ATP9B: variants seen among roughly 807,000 people sequenced by gnomAD.
ATP9B encodes the protein probable phospholipid-transporting ATPase IIB.
A neutral mutation model predicts 146.1 loss-of-function variants in ATP9B; 110 were observed. That is an observed-to-expected ratio of 0.75 (90% CI 0.65 to 0.88). The LOEUF (loss-of-function observed/expected upper bound fraction) is 0.88, where lower values mean the gene tolerates loss of function less well. Among genes scored for constraint, ATP9B ranks in the 40% least tolerant of loss-of-function variants. ATP9B has a pLI of 0.00. For missense variants in ATP9B, 1,499 were observed against 1,496.4 expected (o/e 1.00, Z -0.03); for synonymous variants, 604 against 569.7 (o/e 1.06, Z -0.86).
At chr18:79,294,299 G>T (rs2096531734) in intron 13 of ATP9B, among the ~76,000 whole-genome samples, 1 of 152,206 alleles carries the variant, frequency 6.6e-6, no homozygotes, top group African/African-American at 2.4e-5. Context: ...AACCCATGAT[G>T]AATTCGTGGG....
chr18:79,139,230 G>T (rs1437294961), intron 5 of ATP9B, among the ~76,000 whole-genome samples: 3 of 152,074 alleles, frequency 2.0e-5, no homozygotes, highest in Non-Finnish European at 2.9e-5. Flanking sequence ...ATTTTACTTA[G>T]GTTGTAAGTT....
intron 13 of ATP9B, among the ~76,000 whole-genome samples, chr18:79,284,760 A>G (rs372408579): frequency 6.7e-6 from 1 of 150,152 alleles, no homozygotes; most frequent in Non-Finnish European, 1.5e-5. Context: ...TCCTAATGCT[A>G]TCCCTCCCCC....
intron 11 of ATP9B, among the ~76,000 whole-genome samples, chr18:79,230,891 G>A (rs918935343): frequency 8.5e-5 from 13 of 152,070 alleles, no homozygotes; most frequent in African/African-American, 1.2e-4. Flanking sequence ...ATACAACAAC[G>A]CAAACAAAAA....
intron 1 of ATP9B, among the ~76,000 whole-genome samples, chr18:79,084,159 G>GTT (rs11409523): frequency 1.8e-4 from 26 of 146,616 alleles, no homozygotes; most frequent in African/African-American, 4.7e-4. Flanking sequence ...GCCTGGCTCA[G>GTT]TTTTTTTTTT....
chr18:79,116,922 T>TA (rs781553384), intron 4 of ATP9B, among the ~76,000 whole-genome samples: 3,980 of 59,748 alleles, frequency 0.067, 89 homozygotes, highest in Admixed American at 0.13. Flanking sequence ...TAGAGTATAA[T>TA]AAAAAAAAAA....
Position 79,337,392 on chromosome 18 carries a change from C to A in ATP9B, c.2226C>A (p.Asp742Glu). 1.2e-6 allele frequency: 2 copies of A among 1,613,960 alleles called. No homozygotes were observed. Among genetic ancestry groups the A allele is most frequent in the Non-Finnish European group, 1.7e-6 (2 of 1,180,040 alleles). The change falls in exon 19 of 30, where the codon GAC becomes GAA. Residue 742 changes from aspartate to glutamate, a missense_variant. Coordinates refer to ENST00000426216, the MANE Select transcript of ATP9B (RefSeq NM_198531.5). ...TGCTGTGCCTCACCGGCGTGGAGGA[C>A]CAGCTGCAGGCAGACGTGCGGCCCA... ...MELLCLTGVEDQLQADVRPTL... is the reference protein window; with the variant it reads ...MELLCLTGVEEQLQADVRPTL...
At chr18:79,157,205 A>ACACAC (rs1568296242) in intron 7 of ATP9B, among the ~76,000 whole-genome samples, 13 of 101,122 alleles carry the variant, frequency 1.3e-4, no homozygotes, top group African/African-American at 6.7e-4. Context: ...TACTAAAAAA[A>ACACAC]ATACACACAC....
intron 9 of ATP9B, 125 bp from the exon 10 acceptor site, chr18:79,206,812 G>A: frequency 1.3e-6 from 1 of 763,058 alleles, no homozygotes; most frequent in African/African-American, 1.8e-5. Flanking sequence ...CTGTTTTGCA[G>A]TGCCTTTGCA....
intron 2 of ATP9B, among the ~76,000 whole-genome samples, chr18:79,102,255 A>G (rs2075335019): frequency 6.6e-6 from 1 of 152,068 alleles, no homozygotes; most frequent in South Asian, 2.1e-4. Flanking sequence ...TGCTTTTGTT[A>G]CTTTTGTGAA....
chr18:79,188,162 G>T (rs557175002), intron 8 of ATP9B, among the ~76,000 whole-genome samples: 4 of 152,186 alleles, frequency 2.6e-5, no homozygotes, highest in African/African-American at 9.6e-5. Flanking sequence ...GAACAGAAAA[G>T]AATAAATTCA....
intron 1 of ATP9B, among the ~76,000 whole-genome samples, chr18:79,071,006 A>ATCT (rs1555723331): frequency 2.2e-5 from 3 of 136,388 alleles, no homozygotes; most frequent in Non-Finnish European, 4.7e-5. Context: ...GCCATTTATT[A>ATCT]TCTGTGTTCT....
Position 79,080,266 on chromosome 18 carries a change from A to G in ATP9B, c.119+10737A>G, listed in dbSNP as rs189378851. Reference sequence around the variant, plus strand: ...CATTTTCACAATATTGATTCTTCCTATCCATGAGCATGGAATGTTTTTCCA... The same window carrying G: ...CATTTTCACAATATTGATTCTTCCTGTCCATGAGCATGGAATGTTTTTCCA... On this transcript the variant is annotated intron_variant, in intron 1 of 29. Coordinates refer to ENST00000426216, the MANE Select transcript of ATP9B (RefSeq NM_198531.5). Among the ~76,000 whole-genome samples, 11 of 152,270 alleles carry G rather than the reference A, an allele frequency of 7.2e-5. No homozygotes were observed. In the East Asian group the frequency reaches 1.9e-3, roughly 27 times the overall value.
At chr18:79,203,483 G>A (rs1029938100) in intron 9 of ATP9B, among the ~76,000 whole-genome samples, 1 of 152,234 alleles carries the variant, frequency 6.6e-6, no homozygotes, top group Admixed American at 6.5e-5. Context: ...ATGCTTGTGG[G>A]CACTGCAGGT....
intron 15 of ATP9B, among the ~76,000 whole-genome samples, chr18:79,321,524 A>C (rs2096716149): frequency 6.6e-6 from 1 of 152,242 alleles, no homozygotes; most frequent in East Asian, 1.9e-4. Flanking sequence ...CTGGGATTAC[A>C]GGCATGTGCC....
intron 11 of ATP9B, among the ~76,000 whole-genome samples, chr18:79,216,217 C>T (rs1028396254): frequency 1.4e-4 from 21 of 152,018 alleles, no homozygotes; most frequent in Admixed American, 2.0e-4. Flanking sequence ...TATTTCTTCC[C>T]ATCTATACAC....
intron 4 of ATP9B, among the ~76,000 whole-genome samples, chr18:79,118,493 C>T (rs1416133456): frequency 1.3e-5 from 2 of 148,400 alleles, no homozygotes; most frequent in Non-Finnish European, 3.0e-5. Context: ...CTCCGCCTCC[C>T]GGGTTCATGC....
At position 79,113,328 on chromosome 18, in the gene ATP9B, T is replaced by C. The variant is rs2094005982; in HGVS notation, c.532T>C (p.Tyr178His). The change falls in exon 4 of 30, where the codon TAT (tyrosine) becomes CAT (histidine). Residue 178 changes from tyrosine (Y) to histidine (H), a missense_variant. Transcript: ENST00000426216. The stretch of plus-strand genomic sequence containing the variant: ...GTTTGTACCAGCATTGAAAATAGGC[T>C]ATCTCTACACCTACTGGGCTCCTCT... The part of the protein sequence containing the change: ...SQFVPALKIG[Y>H]LYTYWAPLGF... 1.9e-6 allele frequency: 3 copies of C among 1,586,436 alleles called. No individual in the cohort carries two copies. Among genetic ancestry groups the C allele is most frequent in the Admixed American group, 1.7e-5 (1 of 59,604 alleles).
chr18:79,113,248 A>G lies in ATP9B; in HGVS notation c.452A>G (p.Tyr151Cys), dbSNP rs774550949. 6.4e-7 allele frequency: 1 copy of G among 1,561,808 alleles called. No individual in the cohort carries two copies. The highest frequency in any genetic ancestry group is 8.7e-7 in the Non-Finnish European group (1 of 1,143,124). Residue 151 changes from tyrosine to cysteine, a missense_variant, in exon 4 of 30, where the codon TAT (tyrosine) becomes TGT (cysteine). By Grantham distance (194) the Tyr-to-Cys change is radical. Coordinates refer to ENST00000426216, the MANE Select transcript of ATP9B (RefSeq NM_198531.5). ...NVFTFIPGVL[Y>C]EQFKFFLNLY... is the part of the protein sequence containing the mutation. ...TTCTCTTTTCCTTTTTAGGTTTTGT[A>G]TGAACAATTCAAGTTTTTCTTGAAT...
At chr18:79,342,460 C>G (rs1188535985) in intron 20 of ATP9B, 94 bp downstream of exon 20, 1 of 798,572 alleles carries the variant, frequency 1.3e-6, no homozygotes, top group Non-Finnish European at 1.9e-6. Flanking sequence ...TTATTAATCA[C>G]TAAATATCTT....
Sources: allele counts gnomAD v4.1 joint callset (sites outside exome capture counted in the v4.1 genomes callset), GRCh38; gene constraint gnomAD v4.1.1; transcripts MANE v1.5; gene names NCBI Gene and HGNC (gene_info 2026-07-23, HGNC 2026-07-21).